USP53: variants seen among roughly 807,000 people sequenced by gnomAD.
USP53 encodes ubiquitin specific peptidase 53.
Under a neutral mutation model 94.9 loss-of-function variants are expected in USP53, and 71 were observed. That is an observed-to-expected ratio of 0.75 (90% confidence interval 0.62 to 0.91). The LOEUF (loss-of-function observed/expected upper bound fraction) is 0.91, where lower values mean the gene tolerates loss of function less well. Among genes scored for constraint, USP53 ranks in the 40% least tolerant of loss-of-function variants. The pLI is 0.00. For missense variants in USP53, 1,173 were observed against 1,281.0 expected, an observed-to-expected ratio of 0.92 and a Z score of 1.29; for synonymous variants, 375 against 422.7, an observed-to-expected ratio of 0.89 and a Z score of 1.39.
chr4:119,241,138 A>G (rs1236132328), intron 5 of USP53, among the ~76,000 whole-genome samples: 1 of 152,124 alleles, frequency 6.6e-6, no homozygotes, highest in East Asian at 1.9e-4. Flanking sequence ...CCAAAATACT[A>G]TGTATAGTTC....
chr4:119,244,622 C>T (rs1747978150), intron 5 of USP53, among the ~76,000 whole-genome samples: 4 of 152,128 alleles, frequency 2.6e-5, no homozygotes, highest in Admixed American at 2.6e-4. Flanking sequence ...TATTCTTATC[C>T]TCATTGTCTA....
chr4:119,226,922 C>G (rs1231246471), intron 3 of USP53, among the ~76,000 whole-genome samples: 1 of 152,144 alleles, frequency 6.6e-6, no homozygotes, highest in East Asian at 1.9e-4. Flanking sequence ...CAACCTCTAC[C>G]TTCCAGGCTC....
chr4:119,243,172 T>A (rs1285593633), intron 5 of USP53, among the ~76,000 whole-genome samples: 2 of 152,190 alleles, frequency 1.3e-5, no homozygotes, highest in East Asian at 1.9e-4. Context: ...CTTAATTTTT[T>A]AAAATAAGTG....
intron 6 of USP53, among the ~76,000 whole-genome samples, chr4:119,246,808 T>C (rs1748307041): frequency 6.6e-6 from 1 of 152,188 alleles, no homozygotes; most frequent in South Asian, 2.1e-4. Flanking sequence ...GAGCATCCAG[T>C]ATATATTAGC....
At chr4:119,250,880 C>A (rs1378493470) in intron 7 of USP53, among the ~76,000 whole-genome samples, 3 of 150,358 alleles carry the variant, frequency 2.0e-5, no homozygotes, top group African/African-American at 7.4e-5. Flanking sequence ...GTTATTTATA[C>A]AGACTACCTA....
chr4:119,274,546 G>A (rs1161685019), intron 17 of USP53, among the ~76,000 whole-genome samples: 3 of 151,868 alleles, frequency 2.0e-5, no homozygotes, highest in African/African-American at 4.8e-5. Flanking sequence ...GAATAATGCC[G>A]CAATAAACAT....
At chr4:119,292,280 C>G in intron 18 of USP53, 58 bp from the exon 19 acceptor site, 1 of 1,444,646 alleles carries the variant, frequency 6.9e-7, no homozygotes, top group East Asian at 2.4e-5. Flanking sequence ...TTTATTTTCC[C>G]CTAGTTTCAT....
intron 10 of USP53, 42 bp downstream of exon 10, chr4:119,259,967 T>A (rs777560391): frequency 1.4e-6 from 2 of 1,470,692 alleles, no homozygotes; most frequent in South Asian, 2.6e-5. Flanking sequence ...TCTTGTTTTG[T>A]AGATTTGAAA....
chr4:119,260,723 A>G, intron 11 of USP53, 70 bp downstream of exon 11: 2 of 1,560,284 alleles, frequency 1.3e-6, no homozygotes, highest in Non-Finnish European at 1.7e-6. Context: ...CTGATGTTTT[A>G]TCTGATAACG....
At chr4:119,233,062 C>T (rs1746274978) in intron 3 of USP53, among the ~76,000 whole-genome samples, 1 of 151,774 alleles carries the variant, frequency 6.6e-6, no homozygotes, top group African/African-American at 2.4e-5. Flanking sequence ...TAGGAAATTA[C>T]CTGTTCCTTT....
chr4:119,265,964 T>C (rs11098498), intron 12 of USP53, among the ~76,000 whole-genome samples: 62,170 of 152,076 alleles, frequency 0.41, 12,928 homozygotes, highest in Non-Finnish European at 0.46. Context: ...CCTATGTAAC[T>C]ACCATAATCA....
rs1208968086 is a variant in USP53, at chr4:119,271,898, C to T, written c.2038C>T (p.Gln680Ter). ...GGGTAAAGTGCATGGTGATAATTGG[C>T]AGATGCAAAGGACTGAGTCTGGATA... ...VEGKVHGDNWQMQRTESGYES... is the reference protein window; with the variant it reads ...VEGKVHGDNW The change falls in exon 16 of 19, where the codon CAG (glutamine) becomes TAG (stop). Residue 680 changes from glutamine (Q) to a stop codon, truncating the protein, a stop_gained. Transcript: ENST00000692078. LOFTEE classifies it high-confidence loss of function. 6.2e-7 allele frequency: 1 copy of T among 1,614,092 alleles called. No individual in the cohort carries two copies. The highest frequency in any genetic ancestry group is 8.5e-7 in the Non-Finnish European group (1 of 1,180,008).
At position 119,261,700 on chromosome 4, in the gene USP53, A is replaced by C; in HGVS notation, c.823-15A>C. The C allele has an allele frequency of 6.4e-7, 1 of 1,559,678 alleles. No homozygotes were observed. The highest frequency in any genetic ancestry group is 8.7e-7 in the Non-Finnish European group (1 of 1,142,966). ...GATGTAGTGTTAAGTGTACATTACC[A>C]ATTTTTTTAAACAGCTTTTTTATAG... On this transcript the variant is annotated splice_polypyrimidine_tract_variant and intron_variant, in intron 11 of 18. Coordinates refer to ENST00000692078, the MANE Select transcript of USP53 (RefSeq NM_001371395.1).
chr4:119,268,437 T>C lies in USP53; in HGVS notation c.1288+17T>C, dbSNP rs1308464441. 16 of 1,593,856 alleles carry C rather than the reference T, an allele frequency of 1.0e-5. No individual in the cohort carries two copies. Among genetic ancestry groups the C allele is most frequent in the Non-Finnish European group, 1.4e-5 (16 of 1,170,414 alleles). On this transcript the variant is annotated intron_variant, in intron 14 of 18. Transcript: ENST00000692078. The stretch of plus-strand genomic sequence containing the variant: ...AAGGACCAGGTATGTGTTTAAATTG[T>C]CATTTTTACATAGTTCCAAGTGAGT...
At chr4:119,238,586 A>G (rs1340133401) in intron 4 of USP53, among the ~76,000 whole-genome samples, 1 of 152,212 alleles carries the variant, frequency 6.6e-6, no homozygotes, top group Non-Finnish European at 1.5e-5. Context: ...CTGTTGGGAA[A>G]ATGGTGCTGG....
intron 17 of USP53, among the ~76,000 whole-genome samples, chr4:119,290,357 A>G (rs1209016275): frequency 2.0e-5 from 3 of 152,218 alleles, no homozygotes; most frequent in African/African-American, 7.2e-5. Flanking sequence ...TGCCTATTAA[A>G]TGTCAGAACC....
At position 119,271,919 on chromosome 4, in the gene USP53, G is replaced by A; in HGVS notation, c.2059G>A (p.Gly687Arg). 1 of 1,614,106 alleles carries A rather than the reference G, an allele frequency of 6.2e-7. No individual in the cohort carries two copies. The highest frequency in any genetic ancestry group is 8.5e-7 in the Non-Finnish European group (1 of 1,180,002). ...DNWQMQRTES[G>R]YESSDHISNG... ...TTGGCAGATGCAAAGGACTGAGTCT[G>A]GATATGAAAGCAGTGATCACATCAG... Residue 687 changes from glycine to arginine, a missense_variant, in exon 16 of 19, where the codon GGA (glycine) becomes AGA (arginine). Coordinates refer to ENST00000692078, the MANE Select transcript of USP53 (RefSeq NM_001371395.1).
At chr4:119,233,941 C>T (rs17334151) in intron 3 of USP53, among the ~76,000 whole-genome samples, 15,167 of 152,094 alleles carry the variant, frequency 0.1, 952 homozygotes, top group Non-Finnish European at 0.14. Flanking sequence ...TGATGCAGTT[C>T]GACAGTTGGT....
At position 119,260,691 on chromosome 4, in the gene USP53, C is replaced by T. The variant is rs766781982; in HGVS notation, c.822+38C>T. ...TTTTCATTCCCTTCCCTTTTATTTT[C>T]AAATTCTTCTAAAACATCATCCTGA... On this transcript the variant is annotated intron_variant, in intron 11 of 18. Transcript: ENST00000692078. The T allele has an allele frequency of 3.7e-6, 6 of 1,602,904 alleles. No homozygotes were observed. The South Asian group carries it at 6.7e-5, about 18-fold the overall frequency.
Sources: allele counts gnomAD v4.1 joint callset (sites outside exome capture counted in the v4.1 genomes callset), GRCh38; gene constraint gnomAD v4.1.1; transcripts MANE v1.5; gene names NCBI Gene and HGNC (gene_info 2026-07-23, HGNC 2026-07-21).